Variants in TIMM44 observed in about 807,000 individuals in gnomAD.
The protein encoded by TIMM44 is mitochondrial import inner membrane translocase subunit TIM44.
TIMM44 carries 37 observed loss-of-function variants against 63.8 expected under a neutral mutation model. The ratio of observed to expected loss-of-function variants is 0.58; its 90% CI spans 0.45 to 0.76. TIMM44 has a LOEUF of 0.76. Ranked by LOEUF, TIMM44 falls within the 30% of genes least tolerant of loss-of-function variation. The pLI is 0.00. For missense variants in TIMM44, 573 were observed against 603.8 expected, an observed-to-expected ratio of 0.95 and a Z score of 0.54; for synonymous variants, 239 against 245.1, an observed-to-expected ratio of 0.98 and a Z score of 0.23.
Position 7,935,136 on chromosome 19 carries a change from C to G in TIMM44, c.322G>C (p.Glu108Gln). ...TCGCTCGTCCGCACGGTTTCTGACT[C>G]GATGGTTTTCTAGGTAAAGAGCGCT... ...QEARRKYKTI[E>Q]SETVRTSEVL... Residue 108 changes from glutamate to glutamine, a missense_variant, in exon 4 of 13, where the codon GAG (glutamate) becomes CAG (glutamine). By Grantham distance (29) the Glu-to-Gln change is conservative. Coordinates refer to ENST00000270538, the MANE Select transcript of TIMM44 (RefSeq NM_006351.4). The G allele has an allele frequency of 6.2e-7, 1 of 1,601,454 alleles. No homozygotes were observed. Among genetic ancestry groups the G allele is most frequent in the Non-Finnish European group, 8.5e-7 (1 of 1,170,130 alleles).
At chr19:7,931,027 C>G in intron 10 of TIMM44, 111 bp downstream of exon 10, 1 of 960,750 alleles carries the variant, frequency 1.0e-6, no homozygotes, top group South Asian at 1.4e-5. Flanking sequence ...CACCGGGAGC[C>G]CAGGTCCTGC....
chr19:7,929,691 C>A (rs866994745), intron 10 of TIMM44, among the ~76,000 whole-genome samples: 3 of 147,618 alleles, frequency 2.0e-5, no homozygotes, highest in South Asian at 2.1e-4. Flanking sequence ...GACTCCCAGC[C>A]CCCCCCCAGT....
At chr19:7,932,499 C>T in intron 9 of TIMM44, 128 bp downstream of exon 9, 1 of 1,368,066 alleles carries the variant, frequency 7.3e-7, no homozygotes, top group South Asian at 1.3e-5. Flanking sequence ...CCGTGTGCAA[C>T]CAGCCTCCTC....
intron 10 of TIMM44, chr19:7,928,489 A>C: frequency 2.7e-6 from 1 of 367,110 alleles, no homozygotes; most frequent in South Asian, 3.2e-5. Flanking sequence ...GATCTTTAAT[A>C]CTTCCATATT....
At chr19:7,930,195 C>T (rs1401408489) in intron 10 of TIMM44, among the ~76,000 whole-genome samples, 2 of 151,526 alleles carry the variant, frequency 1.3e-5, no homozygotes, top group African/African-American at 4.9e-5. Context: ...GGCTGGAGTG[C>T]TGTGCTGCGA....
At chr19:7,938,318 G>C in intron 2 of TIMM44, 121 bp from the exon 3 acceptor site, 4 of 713,616 alleles carry the variant, frequency 5.6e-6, no homozygotes, top group Non-Finnish European at 9.2e-6. Flanking sequence ...TACATTTAAT[G>C]ATGATTAGCT....
chr19:7,931,313 T>C, intron 9 of TIMM44, 125 bp from the exon 10 acceptor site: 1 of 873,200 alleles, frequency 1.1e-6, no homozygotes, highest in Non-Finnish European at 2.0e-6. Flanking sequence ...GGCTGCCACC[T>C]GTGGGGCGCG....
intron 1 of TIMM44, 136 bp from the exon 2 acceptor site, chr19:7,941,333 G>A: frequency 1.4e-6 from 1 of 706,324 alleles, no homozygotes. Context: ...GGAGTCTCAG[G>A]CTAGAGTGCA....
In TIMM44 at chr19:7,933,243, G is replaced by A. The variant is rs575063147; in HGVS notation, c.769+242C>T. Among the ~76,000 whole-genome samples the A allele has an allele frequency of 2.0e-5, 3 of 152,328 alleles. No individual in the cohort carries two copies. Among genetic ancestry groups the A allele is most frequent in the Non-Finnish European group, 4.4e-5 (3 of 68,018 alleles). ...GCCTCTAGCAGTCCTCACAGGACAAGGGACAGGGGCCTGCGGCTCGTTTCG... is the reference window on the plus strand; with the variant it reads ...GCCTCTAGCAGTCCTCACAGGACAAAGGACAGGGGCCTGCGGCTCGTTTCG... On this transcript the variant is annotated intron_variant, in intron 7 of 12. Coordinates refer to ENST00000270538, the MANE Select transcript of TIMM44 (RefSeq NM_006351.4). The surrounding 1 kb of genome is among the most constrained non-coding windows in gnomAD (Gnocchi z 4.3).
intron 9 of TIMM44, chr19:7,932,400 G>A: frequency 1.7e-6 from 1 of 597,226 alleles, no homozygotes. Flanking sequence ...AGGAGTGAGG[G>A]AAACAGACCT....
chr19:7,939,109 C>T (rs1319362230), intron 2 of TIMM44, among the ~76,000 whole-genome samples: 6 of 151,998 alleles, frequency 3.9e-5, no homozygotes, highest in African/African-American at 1.5e-4. Context: ...GAATGTACAC[C>T]ACCAAGAGGG....
intron 2 of TIMM44, among the ~76,000 whole-genome samples, chr19:7,940,797 G>A (rs1421035962): frequency 6.6e-6 from 1 of 152,066 alleles, no homozygotes; most frequent in Non-Finnish European, 1.5e-5. Context: ...CACGGGCAGA[G>A]GTCACAGGGA....
At chr19:7,927,552 C>A in intron 12 of TIMM44, 105 bp downstream of exon 12, 1 of 1,266,296 alleles carries the variant, frequency 7.9e-7, no homozygotes, top group Admixed American at 1.7e-5. Context: ...CCCACCCAGT[C>A]CCAGAGCTTC....
chr19:7,939,899 G>A lies in TIMM44; in HGVS notation c.141+1203C>T, dbSNP rs1984258527. Reference sequence around the variant, plus strand: ...TGCACTCCAGCCTGGGCGACAGAGTGAGACTCTGTTTCAAAAAAACAACAG... The same window carrying A: ...TGCACTCCAGCCTGGGCGACAGAGTAAGACTCTGTTTCAAAAAAACAACAG... On this transcript the variant is annotated intron_variant, in intron 2 of 12. Transcript: ENST00000270538. 2.6e-5 allele frequency among the ~76,000 whole-genome samples: 4 copies of A among 151,200 alleles called. No individual in the cohort carries two copies. The South Asian group carries it at 8.3e-4, about 31-fold the overall frequency.
chr19:7,943,032 C>T lies in TIMM44; in HGVS notation c.45+575G>A, dbSNP rs1984354664. On this transcript the variant is annotated intron_variant, in intron 1 of 12. Transcript: ENST00000270538. The surrounding 1 kb of genome is among the most constrained non-coding windows in gnomAD (Gnocchi z 4.3). The stretch of plus-strand genomic sequence containing the variant: ...TCCAGACTGGGCGACAAGAGCGAAA[C>T]TCTGTCTCAAAAAAAAAAAAAAAAG... Among the ~76,000 whole-genome samples the T allele has an allele frequency of 7.2e-6, 1 of 138,086 alleles. No homozygotes were observed. The highest frequency in any genetic ancestry group is 1.5e-5 in the Non-Finnish European group (1 of 65,480). 90.6% of individuals were successfully genotyped at this position (138,086 alleles called of 152,430 possible).
At chr19:7,937,524 G>A (rs940442072) in intron 3 of TIMM44, among the ~76,000 whole-genome samples, 7 of 152,180 alleles carry the variant, frequency 4.6e-5, no homozygotes, top group South Asian at 2.1e-4. Context: ...TGCACAGAAC[G>A]CTGCATGGTC....
intron 2 of TIMM44, among the ~76,000 whole-genome samples, chr19:7,940,115 C>T (rs2145181332): frequency 6.6e-6 from 1 of 151,930 alleles, no homozygotes; most frequent in East Asian, 1.9e-4. Flanking sequence ...CACCTGTGGT[C>T]CCAGCTACTC....
intron 10 of TIMM44, among the ~76,000 whole-genome samples, chr19:7,930,673 G>A (rs1038766512): frequency 1.3e-5 from 2 of 152,112 alleles, no homozygotes; most frequent in Non-Finnish European, 2.9e-5. Flanking sequence ...AGTCTTGAAT[G>A]CTTGGGCTCA....
Position 7,933,889 on chromosome 19 carries a change from C to T in TIMM44, c.658G>A (p.Glu220Lys), listed in dbSNP as rs1201351937. The change falls in exon 6 of 13, where the codon GAG becomes AAG. Residue 220 changes from glutamate (E) to lysine (K), a missense_variant. Glu to Lys is a moderately conservative substitution (Grantham distance 56). Transcript: ENST00000270538. This position sits in a 1 kb window ranked among gnomAD's most constrained non-coding sequence, Gnocchi z 4.3. Reference sequence around the variant, plus strand: ...TCGTTTGGCTCAAACACTTTCTCCTCCTTGAACTTATCTCCCGCAAACTCC... The same window carrying T: ...TCGTTTGGCTCAAACACTTTCTCCTTCTTGAACTTATCTCCCGCAAACTCC... ...RTEFAGDKFKEEKVFEPNEEA... is the reference protein window; with the variant it reads ...RTEFAGDKFKKEKVFEPNEEA... The T allele has an allele frequency of 1.9e-6, 3 of 1,614,072 alleles. No individual in the cohort carries two copies. Among genetic ancestry groups the T allele is most frequent in the Non-Finnish European group, 2.5e-6 (3 of 1,180,046 alleles).
Sources: allele counts gnomAD v4.1 joint callset (sites outside exome capture counted in the v4.1 genomes callset), GRCh38; gene constraint gnomAD v4.1.1; non-coding constraint Gnocchi (gnomAD v3.1); transcripts MANE v1.5; gene names NCBI Gene and HGNC (gene_info 2026-07-23, HGNC 2026-07-21).